SMCO3: variants seen among roughly 807,000 people sequenced by gnomAD.
The protein encoded by SMCO3 is single-pass membrane protein with coiled-coil domains 3.
SMCO3 carries 6 observed loss-of-function variants against 12.0 expected under a neutral mutation model. The observed-to-expected ratio is 0.50, with a 90% CI of 0.27 to 0.99. SMCO3 has a LOEUF of 0.99. Ranked by LOEUF, SMCO3 falls within the 50% of genes least tolerant of loss-of-function variation. The probability of loss-of-function intolerance (pLI) is 0.11; values close to 1 mark genes in which losing one functional copy is unlikely to be tolerated. For missense variants in SMCO3, 279 were observed against 265.0 expected, an observed-to-expected ratio of 1.05 and a Z score of -0.37; for synonymous variants, 96 against 96.4, an observed-to-expected ratio of 1.00 and a Z score of 0.02.
chr12:14,810,354 G>T (rs563158907), intron 1 of SMCO3, among the ~76,000 whole-genome samples: 25 of 152,326 alleles, frequency 1.6e-4, no homozygotes, highest in African/African-American at 5.8e-4. Context: ...CCATTGAATT[G>T]TGTTTTGGAC....
rs1950035143 is a variant in SMCO3 at position 14,805,594 on chromosome 12, T to C, written c.*409A>G. ...GTGTCTAGGCAGAAGTTACTGAGTATGTCCCCTTATAACTAAATGATGTTT... is the reference window on the plus strand; with the variant it reads ...GTGTCTAGGCAGAAGTTACTGAGTACGTCCCCTTATAACTAAATGATGTTT... On this transcript the variant is annotated 3_prime_UTR_variant, in exon 2 of 2. Transcript: ENST00000316048. 2 of 160,424 alleles carry C rather than the reference T, an allele frequency of 1.2e-5. No homozygotes were observed. Among genetic ancestry groups the C allele is most frequent in the African/African-American group, 4.8e-5 (2 of 41,754 alleles). The allele number at this position is 160,424 out of a possible 1,614,324, so 9.9% of individuals were successfully genotyped here. A position where few individuals can be genotyped will look rare whatever the true frequency, so the allele number is the denominator to read the frequency against.
Position 14,805,861 on chromosome 12 carries a change from C to T in SMCO3, c.*142G>A. The T allele has an allele frequency of 1.2e-6, 1 of 818,310 alleles. No homozygotes were observed. 50.7% of individuals were successfully genotyped at this position (818,310 alleles called of 1,614,324 possible). A position where few individuals can be genotyped will look rare whatever the true frequency, so the allele number is the denominator to read the frequency against. On this transcript the variant is annotated 3_prime_UTR_variant, in exon 2 of 2. Coordinates refer to ENST00000316048, the MANE Select transcript of SMCO3 (RefSeq NM_001013698.2). The stretch of plus-strand genomic sequence containing the variant: ...AACTCATCTAGTCATCTAGTCTTGG[C>T]ATCTCCAGTTTCCCTCTCCAAATTG...
chr12:14,810,182 G>T (rs1950115037), intron 1 of SMCO3, among the ~76,000 whole-genome samples: 1 of 152,062 alleles, frequency 6.6e-6, no homozygotes, highest in Non-Finnish European at 1.5e-5. Flanking sequence ...GAGTGGGGAG[G>T]GTTTTCTTGT....
chr12:14,807,754 C>A (rs1049851553), intron 1 of SMCO3, among the ~76,000 whole-genome samples: 12 of 152,106 alleles, frequency 7.9e-5, no homozygotes, highest in Admixed American at 7.9e-4. Context: ...TGATTATTCT[C>A]CATTTGCAAA....
chr12:14,806,073 T>C lies in SMCO3; in HGVS notation c.608A>G (p.Lys203Arg), dbSNP rs927264482. ...KSYEKHLVEFKSASEKYNHAI... is the reference protein window; with the variant it reads ...KSYEKHLVEFRSASEKYNHAI... ...ATGATTATATTTTTCTGAGGCTGATTTGAACTCCACCAGATGCTTCTCATA... is the reference window on the plus strand; with the variant it reads ...ATGATTATATTTTTCTGAGGCTGATCTGAACTCCACCAGATGCTTCTCATA... The change falls in exon 2 of 2, where the codon AAA becomes AGA. Residue 203 changes from lysine to arginine, a missense_variant. Transcript: ENST00000316048. The C allele has an allele frequency of 1.9e-6, 3 of 1,614,206 alleles. No homozygotes were observed. The highest frequency in any genetic ancestry group is 2.2e-5 in the East Asian group (1 of 44,882).
chr12:14,810,264 T>A (rs931729542), intron 1 of SMCO3, among the ~76,000 whole-genome samples: 41 of 152,148 alleles, frequency 2.7e-4, no homozygotes, highest in Non-Finnish European at 8.8e-5. Flanking sequence ...TGAATACAGC[T>A]CAAGGTTATT....
intron 1 of SMCO3, among the ~76,000 whole-genome samples, chr12:14,811,695 AGTT>A (rs1295211743): frequency 1.2e-4 from 19 of 152,214 alleles, no homozygotes; most frequent in African/African-American, 3.6e-4. Context: ...GACATCATAC[AGTT>A]GTTTTAGTTT....
chr12:14,809,710 AC>A (rs1338190066), intron 1 of SMCO3, among the ~76,000 whole-genome samples: 1 of 152,132 alleles, frequency 6.6e-6, no homozygotes, highest in Admixed American at 6.5e-5. Flanking sequence ...TAAGCCTAAA[AC>A]CAATAAAAAA....
At chr12:14,810,783 C>G (rs1427725553) in intron 1 of SMCO3, among the ~76,000 whole-genome samples, 1 of 152,100 alleles carries the variant, frequency 6.6e-6, no homozygotes, top group Non-Finnish European at 1.5e-5. Flanking sequence ...ACATGGAGAA[C>G]CATAGTTGGC....
chr12:14,808,798 G>A (rs1195095014), intron 1 of SMCO3, among the ~76,000 whole-genome samples: 1 of 152,058 alleles, frequency 6.6e-6, no homozygotes, highest in Admixed American at 6.5e-5. Context: ...ATATATACAG[G>A]CATGCACACA....
At position 14,805,954 on chromosome 12, in the gene SMCO3, T is replaced by C. The variant is rs1592228277; in HGVS notation, c.*49A>G. ...ACCTAATCAAAGAAGCAAACACTGTTACTGAAAAGGAAGCAGAAAAACACT... is the reference window on the plus strand; with the variant it reads ...ACCTAATCAAAGAAGCAAACACTGTCACTGAAAAGGAAGCAGAAAAACACT... On this transcript the variant is annotated 3_prime_UTR_variant, in exon 2 of 2. Transcript: ENST00000316048. 1.3e-6 allele frequency: 2 copies of C among 1,513,374 alleles called. No individual in the cohort carries two copies. Among genetic ancestry groups the C allele is most frequent in the East Asian group, 4.5e-5 (2 of 44,236 alleles). The allele number at this position is 1,513,374 out of a possible 1,614,324, so 93.7% of individuals were successfully genotyped here. A position where few individuals can be genotyped will look rare whatever the true frequency, so the allele number is the denominator to read the frequency against.
chr12:14,807,139 G>T (rs983972724), intron 1 of SMCO3, among the ~76,000 whole-genome samples: 1 of 152,104 alleles, frequency 6.6e-6, no homozygotes, highest in East Asian at 1.9e-4. Flanking sequence ...CCCTCAGCAG[G>T]TTCTTTAAAA....
Position 14,806,119 on chromosome 12 carries a change from G to A in SMCO3, c.562C>T (p.Leu188Phe). 1.2e-6 allele frequency: 2 copies of A among 1,614,160 alleles called. No homozygotes were observed. Among genetic ancestry groups the A allele is most frequent in the Non-Finnish European group, 1.7e-6 (2 of 1,180,048 alleles). The change falls in exon 2 of 2, where the codon CTT becomes TTT. Residue 188 changes from leucine to phenylalanine, a missense_variant. Transcript: ENST00000316048. ...AILGAVEKTQ[L>F]QAAIKSYEKH... Reference sequence around the variant, plus strand: ...TCATAACTTTTGATGGCTGCTTGAAGCTGTGTTTTTTCCACTGCTCCCAGG... The same window carrying A: ...TCATAACTTTTGATGGCTGCTTGAAACTGTGTTTTTTCCACTGCTCCCAGG...
chr12:14,809,557 C>T (rs1434525282), intron 1 of SMCO3, among the ~76,000 whole-genome samples: 1 of 152,104 alleles, frequency 6.6e-6, no homozygotes, highest in Middle Eastern at 3.2e-3. Flanking sequence ...GAAATTATTA[C>T]TCCATAAATG....
At chr12:14,807,375 C>T (rs16910317) in intron 1 of SMCO3, among the ~76,000 whole-genome samples, 17,730 of 152,174 alleles carry the variant, frequency 0.12, 1,242 homozygotes, top group Admixed American at 0.23. Context: ...TACTAGTGCT[C>T]CTTAGTTTCC....
Position 14,805,989 on chromosome 12 carries a change from A to G in SMCO3, c.*14T>C, listed in dbSNP as rs775312369. 2.5e-6 allele frequency: 4 copies of G among 1,583,496 alleles called. No individual in the cohort carries two copies. The highest frequency in any genetic ancestry group is 1.4e-5 in the African/African-American group (1 of 73,772). ...GAAGCAGAAAAACACTTCAGTGGCA[A>G]ATAAAACGGCTGTTCATTTCATTTG... is the stretch of plus-strand genomic sequence containing the variant. On this transcript the variant is annotated 3_prime_UTR_variant, in exon 2 of 2. Coordinates refer to ENST00000316048, the MANE Select transcript of SMCO3 (RefSeq NM_001013698.2).
chr12:14,805,766 A>G lies in SMCO3; in HGVS notation c.*237T>C. 2.0e-6 allele frequency: 1 copy of G among 496,278 alleles called. No homozygotes were observed. 30.7% of individuals were successfully genotyped at this position (496,278 alleles called of 1,614,324 possible). On this transcript the variant is annotated 3_prime_UTR_variant, in exon 2 of 2. Coordinates refer to ENST00000316048, the MANE Select transcript of SMCO3 (RefSeq NM_001013698.2). ...TTGATCTGGTAGAGCAGGGTGTGAA[A>G]ACATCCAGGGAGAAAATTTTTTTAC...
chr12:14,808,973 T>C (rs1016511907), intron 1 of SMCO3, among the ~76,000 whole-genome samples: 2 of 152,238 alleles, frequency 1.3e-5, no homozygotes, highest in Non-Finnish European at 2.9e-5. Context: ...TTTTCTTTTT[T>C]CTTCTAGTAA....
chr12:14,806,355 TTGTC>T lies in SMCO3; in HGVS notation c.322_325del (p.Asp108LysfsTer4). The T allele has an allele frequency of 6.2e-7, 1 of 1,614,242 alleles. No individual in the cohort carries two copies. Among genetic ancestry groups the T allele is most frequent in the Non-Finnish European group, 8.5e-7 (1 of 1,180,042 alleles). The stretch of plus-strand genomic sequence containing the variant: ...AATAACCTTTTGCACTATTGCAATT[TTGTC>T]TGTTTCCTTTTCCTTAATATCCTGA... On this transcript the variant is annotated frameshift_variant, in exon 2 of 2. Transcript: ENST00000316048. LOFTEE classifies it high-confidence loss of function.
Sources: allele counts gnomAD v4.1 joint callset (sites outside exome capture counted in the v4.1 genomes callset), GRCh38; gene constraint gnomAD v4.1.1; transcripts MANE v1.5; gene names NCBI Gene and HGNC (gene_info 2026-07-23, HGNC 2026-07-21).